The following TRIM2 variants were observed in gnomAD, a reference collection of about 807,000 sequenced individuals.
TRIM2 encodes tripartite motif containing 2.
TRIM2 carries 20 observed loss-of-function variants against 75.2 expected under a neutral mutation model. That is an observed-to-expected ratio of 0.27 (90% CI 0.19 to 0.39). TRIM2 has a LOEUF of 0.39. Among genes scored for constraint, TRIM2 ranks in the 10% least tolerant of loss-of-function variants. The pLI is 1.00. For synonymous variants in TRIM2, 373 were observed against 388.3 expected (o/e 0.96, Z 0.46); for missense variants, 660 against 990.8 (o/e 0.67, Z 4.48).
chr4:153,289,127 T>TA (rs1761310531), intron 3 of TRIM2, among the ~76,000 whole-genome samples: 1 of 152,130 alleles, frequency 6.6e-6, no homozygotes, highest in Admixed American at 6.5e-5. Context: ...TGTCCTTTTT[T>TA]GTGTGCTTCA....
chr4:153,280,506 T>A (rs1759077454), intron 3 of TRIM2, among the ~76,000 whole-genome samples: 1 of 150,070 alleles, frequency 6.7e-6, no homozygotes, highest in Non-Finnish European at 1.5e-5. Flanking sequence ...TGTCTCAGCC[T>A]CCAGAGTAGC....
At chr4:153,266,824 G>A (rs1388069791) in intron 1 of TRIM2, 1 of 151,170 alleles carries the variant, frequency 6.6e-6, no homozygotes, top group East Asian at 1.9e-4. Flanking sequence ...TATCTAAAAG[G>A]TACAGAGTTG....
chr4:153,214,639 T>A (rs1472740593), intron 1 of TRIM2, among the ~76,000 whole-genome samples: 1 of 152,224 alleles, frequency 6.6e-6, no homozygotes, highest in Non-Finnish European at 1.5e-5. Context: ...CACTTTTGAC[T>A]GAACACATGC....
In TRIM2 at chr4:153,338,345, C is replaced by G. The variant is rs894451869; in HGVS notation, c.*3379C>G. The G allele has an allele frequency of 1.3e-5, 13 of 985,610 alleles. No individual in the cohort carries two copies. Among genetic ancestry groups the G allele is most frequent in the African/African-American group, 1.7e-5 (1 of 57,230 alleles). 61.1% of individuals were successfully genotyped at this position (985,610 alleles called of 1,614,324 possible). A position where few individuals can be genotyped will look rare whatever the true frequency, so the allele number is the denominator to read the frequency against. Reference sequence around the variant, plus strand: ...ATCTTTTTGTAGACTCTATAGTACCCTCTCTATTCACTAGCTTCTGAAAAG... The same window carrying G: ...ATCTTTTTGTAGACTCTATAGTACCGTCTCTATTCACTAGCTTCTGAAAAG... On this transcript the variant is annotated 3_prime_UTR_variant, in exon 12 of 12. Transcript: ENST00000338700.
At chr4:153,181,795 C>T (rs34225208) in intron 1 of TRIM2, among the ~76,000 whole-genome samples, 27,759 of 152,002 alleles carry the variant, frequency 0.18, 3,058 homozygotes, top group African/African-American at 0.29. Flanking sequence ...GGTGCCCGTT[C>T]CCTGCCTTGC....
intron 1 of TRIM2, among the ~76,000 whole-genome samples, chr4:153,164,621 G>A (rs1283230333): frequency 2.0e-5 from 3 of 151,962 alleles, no homozygotes; most frequent in Non-Finnish European, 2.9e-5. Flanking sequence ...ATTTTCTTTT[G>A]GCAGGCAACC....
intron 3 of TRIM2, among the ~76,000 whole-genome samples, chr4:153,288,165 G>A (rs1423604980): frequency 6.6e-6 from 1 of 152,074 alleles, no homozygotes; most frequent in Non-Finnish European, 1.5e-5. Flanking sequence ...AGCCGGGCAT[G>A]GTGGCTCGCA....
chr4:153,295,717 C>T lies in TRIM2; in HGVS notation c.1191C>T (p.Ser397=), dbSNP rs1307177477. 1.2e-6 allele frequency: 2 copies of T among 1,613,688 alleles called. No individual in the cohort carries two copies. The highest frequency in any genetic ancestry group is 1.7e-6 in the Non-Finnish European group (2 of 1,179,892). Residue 397 remains serine, a synonymous_variant, in exon 6 of 12, where the codon AGC becomes AGT. Coordinates refer to ENST00000338700, the MANE Select transcript of TRIM2 (RefSeq NM_015271.5). This position sits in a 1 kb window ranked among gnomAD's most constrained non-coding sequence, Gnocchi z 7.2. ...ACGCCTACCTCACCGCCGAACTGAG[C>T]ACCCCCGACGGGAGCGTGGCAGACG... ...TGNAYLTAEL[S]TPDGSVADGE...
chr4:153,307,323 C>T (rs1271546910), intron 6 of TRIM2, among the ~76,000 whole-genome samples: 2 of 152,136 alleles, frequency 1.3e-5, no homozygotes, highest in Admixed American at 6.5e-5. Context: ...ATTCATTATA[C>T]ACCATACCTT....
chr4:153,206,534 G>A (rs190501513), intron 1 of TRIM2, among the ~76,000 whole-genome samples: 30 of 152,182 alleles, frequency 2.0e-4, no homozygotes, highest in African/African-American at 7.0e-4. Context: ...CTCTCCGGGC[G>A]CCACTCTCCC....
At chr4:153,330,787 A>G (rs1209502639) in intron 11 of TRIM2, among the ~76,000 whole-genome samples, 1 of 152,212 alleles carries the variant, frequency 6.6e-6, no homozygotes, top group Non-Finnish European at 1.5e-5. Flanking sequence ...TGCATTCCCT[A>G]TAGAGCAAGG....
intron 1 of TRIM2, among the ~76,000 whole-genome samples, chr4:153,191,916 C>T (rs1257024535): frequency 6.6e-6 from 1 of 152,178 alleles, no homozygotes; most frequent in Admixed American, 6.5e-5. Flanking sequence ...TGGGTATGAG[C>T]ATAGAAGCTT....
At chr4:153,170,746 G>C (rs1339664655) in intron 1 of TRIM2, among the ~76,000 whole-genome samples, 1 of 152,112 alleles carries the variant, frequency 6.6e-6, no homozygotes, top group Non-Finnish European at 1.5e-5. Flanking sequence ...GCTCAGCCAG[G>C]GGGTAAAAAC....
rs1371292524 is a variant in TRIM2 at position 153,244,374 on chromosome 4, T to C, written c.31-25961T>C. On this transcript the variant is annotated intron_variant, in intron 1 of 11. Transcript: ENST00000338700. Reference sequence around the variant, plus strand: ...TTCTTCCTCTTCTTCTTCTTCTTCTTCTTCTTCTTCTTCTTCTTCTTCTTC... The same window carrying C: ...TTCTTCCTCTTCTTCTTCTTCTTCTCCTTCTTCTTCTTCTTCTTCTTCTTC... 2.9e-4 allele frequency among the ~76,000 whole-genome samples: 17 copies of C among 58,614 alleles called. 1 individual carries two copies. Among genetic ancestry groups the C allele is most frequent in the African/African-American group, 1.8e-3 (13 of 7,028 alleles). 38.5% of individuals were successfully genotyped at this position (58,614 alleles called of 152,430 possible). A position where few individuals can be genotyped will look rare whatever the true frequency, so the allele number is the denominator to read the frequency against.
At chr4:153,285,764 T>G (rs956717233) in intron 3 of TRIM2, among the ~76,000 whole-genome samples, 1 of 150,608 alleles carries the variant, frequency 6.6e-6, no homozygotes, top group Admixed American at 6.6e-5. Flanking sequence ...TGTGTGCGTG[T>G]GTGTGTGTGT....
At chr4:153,203,090 C>T (rs1419678273), upstream of TRIM2, among the ~76,000 whole-genome samples, 3 of 121,512 alleles carry the variant, frequency 2.5e-5, no homozygotes, top group Admixed American at 1.0e-4. Context: ...GGTGACAGAG[C>T]GAGACTCCAT....
At chr4:153,205,577 G>A (rs1735181345) in intron 1 of TRIM2, among the ~76,000 whole-genome samples, 1 of 152,180 alleles carries the variant, frequency 6.6e-6, no homozygotes, top group Non-Finnish European at 1.5e-5. Context: ...CCCGTGGTGT[G>A]GAGTCAGTGA....
At chr4:153,219,197 G>C (rs1579685858) in intron 1 of TRIM2, among the ~76,000 whole-genome samples, 1 of 152,164 alleles carries the variant, frequency 6.6e-6, no homozygotes, top group Middle Eastern at 3.4e-3. Context: ...TTTCAAAGAG[G>C]TGCATTTCAG....
At chr4:153,267,093 T>G (rs1322994242) in intron 1 of TRIM2, 1 of 130,922 alleles carries the variant, frequency 7.6e-6, no homozygotes, top group Non-Finnish European at 1.8e-5. Context: ...TTATTTATAT[T>G]TGGAAAAGAA....
Sources: allele counts gnomAD v4.1 joint callset (sites outside exome capture counted in the v4.1 genomes callset), GRCh38; gene constraint gnomAD v4.1.1; non-coding constraint Gnocchi (gnomAD v3.1); transcripts MANE v1.5; gene names NCBI Gene and HGNC (gene_info 2026-07-23, HGNC 2026-07-21).